Variants in DOCK1 observed in about 807,000 individuals in gnomAD.
DOCK1 encodes dedicator of cytokinesis 1, also known as dedicator of cytokinesis protein 1.
Under a neutral mutation model 262.7 loss-of-function variants are expected in DOCK1, and 138 were observed. That is an observed-to-expected ratio of 0.53 (90% confidence interval 0.46 to 0.61). The LOEUF is 0.61. Among genes scored for constraint, DOCK1 ranks in the 20% least tolerant of loss-of-function variants. The probability of loss-of-function intolerance (pLI) is 0.00; values close to 1 mark genes in which losing one functional copy is unlikely to be tolerated. For missense variants in DOCK1, 1,908 were observed against 2,370.7 expected (o/e 0.80, Z 4.05); for synonymous variants, 866 against 867.4 (o/e 1.00, Z 0.03).
intron 1 of DOCK1, among the ~76,000 whole-genome samples, chr10:126,914,275 TG>T (rs1280617993): frequency 2.0e-5 from 3 of 152,238 alleles, no homozygotes; most frequent in Non-Finnish European, 1.5e-5. Context: ...TCATCAGAAA[TG>T]TTACCTTGAG....
intron 29 of DOCK1, among the ~76,000 whole-genome samples, chr10:127,261,163 G>A (rs1280782291): frequency 2.1e-5 from 3 of 144,446 alleles, no homozygotes; most frequent in South Asian, 2.2e-4. Flanking sequence ...GTGCTCATCT[G>A]TGTGTGTCCC....
At chr10:127,052,525 C>CAAAAAAAAA (rs71490107) in intron 21 of DOCK1, among the ~76,000 whole-genome samples, 156 bp from the exon 22 acceptor site, 1 of 138,806 alleles carries the variant, frequency 7.2e-6, no homozygotes, top group African/African-American at 2.7e-5. Flanking sequence ...CTGTCTCAAA[C>CAAAAAAAAA]AAAAAAAAAA....
At position 127,396,374 on chromosome 10, in the gene DOCK1, G is replaced by C. The variant is rs191326860; in HGVS notation, c.3928-6681G>C. ...TGCACTCTCCCTTTGCAGCACCCAT[G>C]TGTTGTTCTCTGTCAGCTCCCACCC... is the stretch of plus-strand genomic sequence containing the variant. On this transcript the variant is annotated intron_variant, in intron 38 of 51. Coordinates refer to ENST00000623213, the MANE Select transcript of DOCK1 (RefSeq NM_001290223.2). Among the ~76,000 whole-genome samples, 869 of 152,332 alleles carry C rather than the reference G, an allele frequency of 5.7e-3. 4 individuals are homozygous for C. Among genetic ancestry groups the C allele is most frequent in the South Asian group, 0.024 (114 of 4,826 alleles).
chr10:126,985,651 C>A (rs1022593634), intron 4 of DOCK1, among the ~76,000 whole-genome samples: 1 of 152,138 alleles, frequency 6.6e-6, no homozygotes, highest in Non-Finnish European at 1.5e-5. Context: ...ACAGCCCAGT[C>A]GTTGTTGCAG....
chr10:127,312,723 T>G (rs1388823735), intron 29 of DOCK1, among the ~76,000 whole-genome samples: 2 of 152,002 alleles, frequency 1.3e-5, no homozygotes, highest in African/African-American at 4.8e-5. Context: ...TTTTCTCTCT[T>G]CACTTGCTAG....
chr10:127,376,036 A>T (rs2065467781), intron 35 of DOCK1, among the ~76,000 whole-genome samples: 1 of 152,208 alleles, frequency 6.6e-6, no homozygotes, highest in South Asian at 2.1e-4. Context: ...CTTTCAACGC[A>T]TTAGTACAAT....
At chr10:126,958,394 C>T (rs935439063) in intron 1 of DOCK1, among the ~76,000 whole-genome samples, 29 of 152,284 alleles carry the variant, frequency 1.9e-4, no homozygotes, top group African/African-American at 6.7e-4. Flanking sequence ...TTTGTTGGGG[C>T]TTCAGAAGCC....
chr10:127,024,732 A>G lies in DOCK1; in HGVS notation c.1500A>G (p.Lys500=). Residue 500 remains lysine, a synonymous_variant, in exon 15 of 52, where the codon AAA becomes AAG. Coordinates refer to ENST00000623213, the MANE Select transcript of DOCK1 (RefSeq NM_001290223.2). The part of the protein sequence containing the change: ...GAGDEAISEY[K]SVIYYQVKQP... ...GTGATGAAGCGATTTCAGAGTACAA[A>G]TCTGTGATTTACTACCAAGTAAAGC... is the stretch of plus-strand genomic sequence containing the variant. 1.2e-6 allele frequency: 2 copies of G among 1,612,714 alleles called. No individual in the cohort carries two copies. The highest frequency in any genetic ancestry group is 2.7e-5 in the African/African-American group (2 of 75,036).
At chr10:127,023,822 C>G (rs1421925013) in intron 14 of DOCK1, among the ~76,000 whole-genome samples, 1 of 152,132 alleles carries the variant, frequency 6.6e-6, no homozygotes, top group African/African-American at 2.4e-5. Context: ...AAAGGTCTAG[C>G]AGTCACACTA....
intron 49 of DOCK1, among the ~76,000 whole-genome samples, chr10:127,441,320 G>T (rs1036378909): frequency 6.6e-6 from 1 of 152,200 alleles, no homozygotes; most frequent in African/African-American, 2.4e-5. Context: ...GCCTCCCCAC[G>T]GCTGGCCCTA....
intron 31 of DOCK1, among the ~76,000 whole-genome samples, chr10:127,348,304 CT>C (rs1278508453): frequency 6.6e-6 from 1 of 152,108 alleles, no homozygotes; most frequent in Non-Finnish European, 1.5e-5. Context: ...TCCCAGCCCC[CT>C]AGCCTTTTTT....
chr10:127,023,208 C>T lies in DOCK1; in HGVS notation c.1336C>T (p.Arg446Ter). The T allele has an allele frequency of 2.5e-6, 4 of 1,612,882 alleles. No individual in the cohort carries two copies. The highest frequency in any genetic ancestry group is 3.4e-6 in the Non-Finnish European group (4 of 1,179,470). Reference protein sequence around the residue: ...FPEIIMPGDVRNDIYVTLVQG... With the variant: ...FPEIIMPGDV ...GATTTCTCCCCCCTCAGGTGATGTT[C>T]GAAATGATATCTATGTAACATTAGT... The change falls in exon 14 of 52, where the codon CGA becomes TGA. Residue 446 changes from arginine to a stop codon, truncating the protein, a stop_gained. Coordinates refer to ENST00000623213, the MANE Select transcript of DOCK1 (RefSeq NM_001290223.2). LOFTEE classifies it high-confidence loss of function.
chr10:127,312,471 A>T (rs181434599), intron 29 of DOCK1, among the ~76,000 whole-genome samples: 2 of 152,204 alleles, frequency 1.3e-5, no homozygotes, highest in East Asian at 3.9e-4. Flanking sequence ...GTCCCCATGG[A>T]TAGGAAAGCC....
chr10:127,398,053 T>C (rs1201880649), intron 38 of DOCK1, among the ~76,000 whole-genome samples: 1 of 152,162 alleles, frequency 6.6e-6, no homozygotes, highest in African/African-American at 2.4e-5. Flanking sequence ...CAGTATGACA[T>C]TGAAGTGGCT....
chr10:127,440,782 G>A (rs1371003987), intron 49 of DOCK1, among the ~76,000 whole-genome samples: 2 of 152,224 alleles, frequency 1.3e-5, no homozygotes, highest in Admixed American at 1.3e-4. Context: ...CTGGGCTGGA[G>A]AATTCCCATG....
At chr10:127,042,773 GT>G in intron 20 of DOCK1, 59 bp downstream of exon 20, 2 of 1,562,022 alleles carry the variant, frequency 1.3e-6, no homozygotes, top group East Asian at 4.5e-5. Flanking sequence ...ATGCTGCAGC[GT>G]CTGAGGCTGG....
Position 127,331,562 on chromosome 10 carries a change from G to A in DOCK1, c.3045-7444G>A, listed in dbSNP as rs1472227385. On this transcript the variant is annotated intron_variant, in intron 29 of 51. Coordinates refer to ENST00000623213, the MANE Select transcript of DOCK1 (RefSeq NM_001290223.2). ...CTCCCAAAGTGCTGGGATTACAGGC[G>A]TGAGCCACGGCGCCCGGCCCGGATT... 2.6e-5 allele frequency among the ~76,000 whole-genome samples: 4 copies of A among 152,126 alleles called. No homozygotes were observed. The East Asian group carries it at 5.8e-4, about 22-fold the overall frequency.
At chr10:127,097,979 T>C (rs539187052) in intron 23 of DOCK1, among the ~76,000 whole-genome samples, 3 of 152,176 alleles carry the variant, frequency 2.0e-5, no homozygotes, top group Admixed American at 1.3e-4. Flanking sequence ...GCTCTGTCTT[T>C]TGGGGACATC....
At chr10:127,394,467 A>G (rs1245175954) in intron 38 of DOCK1, among the ~76,000 whole-genome samples, 1 of 152,068 alleles carries the variant, frequency 6.6e-6, no homozygotes, top group Non-Finnish European at 1.5e-5. Context: ...ATTTGGGGTG[A>G]AATTTTCACA....
Sources: gnomAD v4.1 joint callset for allele counts (sites outside exome capture counted in the v4.1 genomes callset) on GRCh38, gnomAD v4.1.1 for gene constraint, MANE v1.5 for transcripts, NCBI Gene and HGNC (gene_info 2026-07-23, HGNC 2026-07-21) for gene names.